NT5DC1: variants seen among roughly 807,000 people sequenced by gnomAD.
The protein encoded by NT5DC1 is 5'-nucleotidase domain-containing protein 1.
NT5DC1 carries 42 observed loss-of-function variants against 59.4 expected under a neutral mutation model. The ratio of observed to expected loss-of-function variants is 0.71; its 90% confidence interval spans 0.55 to 0.92. NT5DC1 has a LOEUF of 0.92. Among genes scored for constraint, NT5DC1 ranks in the 40% least tolerant of loss-of-function variants. The pLI is 0.00. For synonymous variants in NT5DC1, 172 were observed against 188.1 expected, an observed-to-expected ratio of 0.91 and a Z score of 0.70; for missense variants, 501 against 537.1, an observed-to-expected ratio of 0.93 and a Z score of 0.66.
At chr6:116,209,241 A>G (rs1481636430) in intron 6 of NT5DC1, among the ~76,000 whole-genome samples, 1 of 151,982 alleles carries the variant, frequency 6.6e-6, no homozygotes, top group Admixed American at 6.6e-5. Flanking sequence ...GACAAAATCA[A>G]GGCTATTATA....
chr6:116,101,345 G>T (rs141984140), intron 1 of NT5DC1, among the ~76,000 whole-genome samples: 2 of 152,322 alleles, frequency 1.3e-5, no homozygotes, highest in East Asian at 3.9e-4. Context: ...GGGTCAGGGG[G>T]ACTAGGGCTG....
At chr6:116,194,590 A>AT (rs1781186447) in intron 6 of NT5DC1, among the ~76,000 whole-genome samples, 1 of 152,078 alleles carries the variant, frequency 6.6e-6, no homozygotes, top group Admixed American at 6.6e-5. Context: ...GAATAAAACT[A>AT]TAACAACTGT....
intron 6 of NT5DC1, among the ~76,000 whole-genome samples, chr6:116,202,588 A>G (rs937212150): frequency 9.9e-5 from 15 of 152,138 alleles, no homozygotes; most frequent in African/African-American, 3.4e-4. Context: ...GATGCCTGCA[A>G]AGTTCAGTGA....
intron 8 of NT5DC1, among the ~76,000 whole-genome samples, chr6:116,232,176 C>T (rs1231670098): frequency 3.9e-5 from 6 of 152,108 alleles, no homozygotes; most frequent in Non-Finnish European, 8.8e-5. Flanking sequence ...ATTAGGTCCA[C>T]CCTGAGAGTC....
intron 6 of NT5DC1, among the ~76,000 whole-genome samples, chr6:116,126,493 G>A (rs1191805693): frequency 6.6e-6 from 1 of 152,098 alleles, no homozygotes; most frequent in African/African-American, 2.4e-5. Context: ...ATATGTGGTA[G>A]TACATAAAAG....
At chr6:116,151,152 T>G (rs936617855) in intron 6 of NT5DC1, among the ~76,000 whole-genome samples, 12 of 152,166 alleles carry the variant, frequency 7.9e-5, no homozygotes, top group Non-Finnish European at 1.6e-4. Context: ...TCTTTTTGCT[T>G]CCGGGCAGCT....
rs1439715760 is a variant in NT5DC1 at position 116,237,028 on chromosome 6, A to T, written c.865A>T (p.Asn289Tyr). The stretch of plus-strand genomic sequence containing the variant: ...TAAACCTGGCTGGTACTCCCAAGGG[A>T]ACGCTGTCCACCTCTATGAACTTCT... ...LDKPGWYSQG[N>Y]AVHLYELLKK... is the part of the protein sequence containing the mutation. The change falls in exon 9 of 12, where the codon AAC (asparagine) becomes TAC (tyrosine). Residue 289 changes from asparagine (N) to tyrosine (Y), a missense_variant. By Grantham distance (143) the Asn-to-Tyr change is moderately radical. Transcript: ENST00000319550. 4 of 1,613,316 alleles carry T rather than the reference A, an allele frequency of 2.5e-6. No homozygotes were observed. Among genetic ancestry groups the T allele is most frequent in the Non-Finnish European group, 3.4e-6 (4 of 1,179,500 alleles).
chr6:116,218,602 A>C (rs1444585486), intron 6 of NT5DC1, among the ~76,000 whole-genome samples: 2 of 152,104 alleles, frequency 1.3e-5, no homozygotes, highest in Non-Finnish European at 2.9e-5. Context: ...ACCTTTTCTT[A>C]CTAGTACTTC....
intron 6 of NT5DC1, among the ~76,000 whole-genome samples, chr6:116,133,631 C>T (rs1379305654): frequency 6.6e-6 from 1 of 152,146 alleles, no homozygotes; most frequent in Non-Finnish European, 1.5e-5. Context: ...AATGAAAATA[C>T]ATCCCAGTAA....
chr6:116,225,864 C>T (rs1781896856), intron 8 of NT5DC1, among the ~76,000 whole-genome samples: 1 of 152,162 alleles, frequency 6.6e-6, no homozygotes, highest in Non-Finnish European at 1.5e-5. Context: ...TGGTTTTCAA[C>T]GGTGGCAGTT....
chr6:116,119,900 A>T, intron 6 of NT5DC1: 1 of 646,710 alleles, frequency 1.5e-6, no homozygotes, highest in Non-Finnish European at 2.7e-6. Context: ...ATACGTTTTT[A>T]CGTTGCTGCT....
intron 6 of NT5DC1, among the ~76,000 whole-genome samples, chr6:116,134,612 C>T (rs961387096): frequency 3.9e-5 from 6 of 152,096 alleles, no homozygotes; most frequent in African/African-American, 7.2e-5. Context: ...TAGGGCCATT[C>T]GCATGGTGCT....
chr6:116,149,841 G>C (rs1468024812), intron 6 of NT5DC1, among the ~76,000 whole-genome samples: 1 of 152,196 alleles, frequency 6.6e-6, no homozygotes, highest in African/African-American at 2.4e-5. Context: ...TAGAGGTGAG[G>C]AAATTGAGAT....
At chr6:116,155,628 A>C (rs1780170082) in intron 6 of NT5DC1, among the ~76,000 whole-genome samples, 1 of 152,076 alleles carries the variant, frequency 6.6e-6, no homozygotes, top group Admixed American at 6.6e-5. Flanking sequence ...CATATGAGTG[A>C]GGTTACTCCA....
chr6:116,160,499 C>T (rs753916952), intron 6 of NT5DC1, among the ~76,000 whole-genome samples: 1 of 151,936 alleles, frequency 6.6e-6, no homozygotes, highest in Non-Finnish European at 1.5e-5. Context: ...TGTTTAACTT[C>T]TTTACAGATT....
At chr6:116,231,152 C>CCCCT (rs1782012475) in intron 8 of NT5DC1, among the ~76,000 whole-genome samples, 1 of 146,064 alleles carries the variant, frequency 6.8e-6, no homozygotes, top group African/African-American at 2.6e-5. Flanking sequence ...GGTAAATCCC[C>CCCCT]CCCCCAAACC....
At chr6:116,230,968 G>A (rs1343930453) in intron 8 of NT5DC1, among the ~76,000 whole-genome samples, 1 of 151,986 alleles carries the variant, frequency 6.6e-6, no homozygotes, top group East Asian at 1.9e-4. Flanking sequence ...TTAGCTGGGC[G>A]TGGTGGCAGG....
chr6:116,166,470 C>G (rs1780469989), intron 6 of NT5DC1, among the ~76,000 whole-genome samples: 1 of 152,172 alleles, frequency 6.6e-6, no homozygotes, highest in South Asian at 2.1e-4. Flanking sequence ...ATTTTGTCTT[C>G]TGTAAATGGT....
rs1405958698 is a variant in NT5DC1, at chr6:116,245,459, A to G, written c.*1435A>G. ...GTGGGATGAGTATCTCAGGGTAAGT[A>G]ACAAAAAAACAAACAAAAAAAATCA... On this transcript the variant is annotated 3_prime_UTR_variant, in exon 12 of 12. Transcript: ENST00000319550. 6.6e-6 allele frequency: 1 copy of G among 151,620 alleles called. No homozygotes were observed. The highest frequency in any genetic ancestry group is 2.4e-5 in the African/African-American group (1 of 41,410). The allele number at this position is 151,620 out of a possible 1,614,324, so 9.4% of individuals were successfully genotyped here.
Sources: allele counts gnomAD v4.1 joint callset (sites outside exome capture counted in the v4.1 genomes callset), GRCh38; gene constraint gnomAD v4.1.1; transcripts MANE v1.5; gene names NCBI Gene and HGNC (gene_info 2026-07-23, HGNC 2026-07-21).